Variants in OVCH1 observed in about 807,000 individuals in gnomAD.
OVCH1 encodes the protein ovochymase-1.
A neutral mutation model predicts 138.4 loss-of-function variants in OVCH1; 139 were observed. The observed-to-expected ratio is 1.00, with a 90% CI of 0.87 to 1.16. The LOEUF is 1.16. OVCH1 is among the 50% of genes most tolerant of loss of function. The pLI is 0.00. For synonymous variants in OVCH1, 453 were observed against 467.8 expected (o/e 0.97, Z 0.41); for missense variants, 1,367 against 1,357.9 (o/e 1.01, Z -0.11).
chr12:29,469,430 C>T (rs1942427351), intron 16 of OVCH1, among the ~76,000 whole-genome samples: 1 of 152,096 alleles, frequency 6.6e-6, no homozygotes. Flanking sequence ...AGTTTACAGC[C>T]AAGAAGAGCC....
At chr12:29,455,348 C>T in exon 20 of OVCH1, 1 of 1,613,850 alleles carries the variant, frequency 6.2e-7, no homozygotes, top group East Asian at 2.2e-5. Context: ...CTGACAATGC[C>T]ATAGAGGACA....
intron 4 of OVCH1, among the ~76,000 whole-genome samples, chr12:29,494,620 C>A (rs1024930241): frequency 6.6e-6 from 1 of 152,042 alleles, no homozygotes; most frequent in African/African-American, 2.4e-5. Context: ...ATATACACAA[C>A]GGACTATTAT....
downstream of OVCH1, among the ~76,000 whole-genome samples, chr12:29,423,541 C>T (rs1941134437): frequency 6.6e-6 from 1 of 152,100 alleles, no homozygotes; most frequent in African/African-American, 2.4e-5. Context: ...ACTTGTATGG[C>T]AATCTGTTAT....
intron 6 of OVCH1, among the ~76,000 whole-genome samples, chr12:29,488,744 A>T (rs1006281330): frequency 2.6e-5 from 4 of 152,078 alleles, no homozygotes; most frequent in African/African-American, 4.8e-5. Flanking sequence ...CTGCTTTAAG[A>T]CTATGTTTCA....
rs1317105772 is a variant in OVCH1 at position 29,451,344 on chromosome 12, C to T, written c.2755+1G>A. The T allele has an allele frequency of 6.2e-7, 1 of 1,610,038 alleles. No homozygotes were observed. The highest frequency in any genetic ancestry group is 8.5e-7 in the Non-Finnish European group (1 of 1,177,400). On this transcript the variant is annotated splice_donor_variant, in intron 22 of 27. Coordinates refer to ENST00000318184, the Ensembl canonical transcript of OVCH1. LOFTEE classifies it high-confidence loss of function. ...GAAGTTTATATGCCAGGAAGGATTA[C>T]CTGCCGTCTTTCTCTTACTGTGTCT...
At position 29,497,612 on chromosome 12, in the gene OVCH1, C is replaced by A. The variant is rs1188584051; in HGVS notation, c.64+11G>T. On this transcript the variant is annotated intron_variant, in intron 1 of 27. Transcript: ENST00000318184. ...CCTCCGCAGTCCTGGTGCCCAGGTC[C>A]CTAGGCTCACCTAGGCTTCTGGGGT... The A allele has an allele frequency of 6.2e-7, 1 of 1,613,476 alleles. No individual in the cohort carries two copies. The highest frequency in any genetic ancestry group is 2.2e-5 in the East Asian group (1 of 44,856).
At chr12:29,415,267 G>A (rs949454834) in intron 3 of OVCH1, among the ~76,000 whole-genome samples, 2 of 152,138 alleles carry the variant, frequency 1.3e-5, no homozygotes, top group Non-Finnish European at 2.9e-5. Flanking sequence ...CTGAAAAGAA[G>A]GGGGAACGTT....
At chr12:29,474,601 T>G (rs1942640213) in intron 14 of OVCH1, among the ~76,000 whole-genome samples, 1 of 152,180 alleles carries the variant, frequency 6.6e-6, no homozygotes, top group Non-Finnish European at 1.5e-5. Context: ...GTAGAGTTAT[T>G]TGTAGTTTTC....
At chr12:29,467,372 G>A (rs540284869) in intron 16 of OVCH1, among the ~76,000 whole-genome samples, 1 of 152,206 alleles carries the variant, frequency 6.6e-6, no homozygotes, top group East Asian at 1.9e-4. Flanking sequence ...GGAGAACACT[G>A]CACAAACACG....
chr12:29,425,082 T>TTA (rs1941160695), downstream of OVCH1, among the ~76,000 whole-genome samples: 1 of 152,148 alleles, frequency 6.6e-6, no homozygotes, highest in African/African-American at 2.4e-5. Context: ...ATGAAGCACT[T>TTA]AATAAAGTGC....
intron 26 of OVCH1, among the ~76,000 whole-genome samples, chr12:29,434,035 A>G (rs1267484595): frequency 6.6e-6 from 1 of 152,194 alleles, no homozygotes; most frequent in African/African-American, 2.4e-5. Context: ...ATGATATCCG[A>G]TTTCTATAAT....
At chr12:29,454,766 G>T in intron 21 of OVCH1, 75 bp downstream of exon 21, 1 of 1,334,316 alleles carries the variant, frequency 7.5e-7, no homozygotes, top group Non-Finnish European at 1.0e-6. Flanking sequence ...AGAAAATTTA[G>T]CAAAGCTAGA....
chr12:29,477,264 T>C (rs1401834870), intron 11 of OVCH1, 32 bp from the exon 12 acceptor site: 2 of 1,612,984 alleles, frequency 1.2e-6, no homozygotes, highest in East Asian at 2.2e-5. Context: ...TCAAAGTGAA[T>C]GGCCAAAGAC....
downstream of OVCH1, among the ~76,000 whole-genome samples, chr12:29,410,701 C>G (rs1275558773): frequency 6.6e-6 from 1 of 151,768 alleles, no homozygotes; most frequent in Admixed American, 6.6e-5. Context: ...GATGGGCTTC[C>G]CTTTGTGGGT....
chr12:29,464,467 A>T, intron 18 of OVCH1, 40 bp downstream of exon 18: 1 of 1,594,778 alleles, frequency 6.3e-7, no homozygotes, highest in Non-Finnish European at 8.6e-7. Context: ...TTCAAAAATA[A>T]CAACTGGCAT....
exon 4 of OVCH1, chr12:29,495,420 A>G: frequency 6.2e-7 from 1 of 1,613,400 alleles, no homozygotes; most frequent in African/African-American, 1.3e-5. Flanking sequence ...AAGAGGCTGT[A>G]CTCCCCAGAA....
At chr12:29,408,386 A>G (rs1187195934), downstream of OVCH1, among the ~76,000 whole-genome samples, 6 of 110,066 alleles carry the variant, frequency 5.5e-5, 2 homozygotes, top group Non-Finnish European at 1.1e-4. Flanking sequence ...GTCTTGTGCC[A>G]GTTTTCAAAG....
At chr12:29,481,642 T>C (rs1942938331) in intron 8 of OVCH1, among the ~76,000 whole-genome samples, 1 of 152,190 alleles carries the variant, frequency 6.6e-6, no homozygotes, top group South Asian at 2.1e-4. Context: ...TTTGTTGTGT[T>C]CTCAGAAAGC....
In OVCH1 at chr12:29,433,812, TA is replaced by T. The variant is rs1353173302; in HGVS notation, c.3265del (p.Tyr1089MetfsTer4). 1.4e-6 allele frequency: 2 copies of T among 1,397,220 alleles called. No homozygotes were observed. Among genetic ancestry groups the T allele is most frequent in the African/African-American group, 2.9e-5 (2 of 68,106 alleles). The allele number at this position is 1,397,220 out of a possible 1,614,324, so 86.6% of individuals were successfully genotyped here. Reference sequence around the variant, plus strand: ...TTTTCCAACACTTCTTACATTATCATACTAAAATTAAGTAAAATGTTTTTAA... The same window carrying T: ...TTTTCCAACACTTCTTACATTATCATCTAAAATTAAGTAAAATGTTTTTAA... On this transcript the variant is annotated frameshift_variant and splice_region_variant, in exon 27 of 28. Transcript: ENST00000318184. LOFTEE classifies it high-confidence loss of function.
Sources: gnomAD v4.1 joint callset for allele counts (sites outside exome capture counted in the v4.1 genomes callset) on GRCh38, gnomAD v4.1.1 for gene constraint, MANE v1.5 for transcripts, NCBI Gene and HGNC (gene_info 2026-07-23, HGNC 2026-07-21) for gene names.